Variants in TRIM44 observed in about 807,000 individuals in gnomAD.
TRIM44 encodes tripartite motif-containing protein 44.
In TRIM44, 13 loss-of-function variants were observed where a neutral mutation model predicts 37.4. The ratio of observed to expected loss-of-function variants is 0.35; its 90% CI spans 0.23 to 0.55. The LOEUF (loss-of-function observed/expected upper bound fraction) is 0.55. TRIM44 is among the 20% of genes least tolerant of loss of function. TRIM44 has a pLI of 0.89. For synonymous variants in TRIM44, 175 were observed against 157.2 expected (o/e 1.11, Z -0.85); for missense variants, 426 against 437.2 (o/e 0.97, Z 0.23).
intron 2 of TRIM44, among the ~76,000 whole-genome samples, chr11:35,692,699 C>T (rs558420790): frequency 2.0e-5 from 3 of 152,098 alleles, no homozygotes; most frequent in East Asian, 1.9e-4. Flanking sequence ...CCAAGGCAGG[C>T]GGATCATGAG....
At chr11:35,793,663 C>T (rs1853246146) in intron 4 of TRIM44, among the ~76,000 whole-genome samples, 1 of 152,152 alleles carries the variant, frequency 6.6e-6, no homozygotes, top group Non-Finnish European at 1.5e-5. Context: ...CAGTTACCTC[C>T]TCTGCTACTA....
At position 35,809,763 on chromosome 11, in the gene TRIM44, C is replaced by A. The variant is rs1297748080; in HGVS notation, c.*3378C>A. The A allele has an allele frequency of 6.6e-6, 1 of 152,000 alleles. No homozygotes were observed. Among genetic ancestry groups the A allele is most frequent in the African/African-American group, 2.4e-5 (1 of 41,382 alleles). The allele number at this position is 152,000 out of a possible 1,614,324, so 9.4% of individuals were successfully genotyped here. ...TGTGAGGATGTGGCAATTCAAAGTC[C>A]AGTGAATCTGGACTCTCTTACTGAT... On this transcript the variant is annotated 3_prime_UTR_variant, in exon 5 of 5. Coordinates refer to ENST00000299413, the MANE Select transcript of TRIM44 (RefSeq NM_017583.6).
chr11:35,730,652 C>T (rs964713952), intron 3 of TRIM44, among the ~76,000 whole-genome samples: 7 of 152,024 alleles, frequency 4.6e-5, no homozygotes, highest in African/African-American at 1.7e-4. Context: ...ACATATGTCT[C>T]CATTTATAAG....
chr11:35,662,804 G>T lies in TRIM44; in HGVS notation c.-308G>T, dbSNP rs114876670. On this transcript the variant is annotated 5_prime_UTR_variant, in exon 1 of 5. Coordinates refer to ENST00000299413, the MANE Select transcript of TRIM44 (RefSeq NM_017583.6). The stretch of plus-strand genomic sequence containing the variant: ...GCTGCCGCGATCTCTCCCTGGTAGC[G>T]GGAGGCTGAGCGGGCGGCGCGACGC... 2,143 of 247,268 alleles carry T rather than the reference G, an allele frequency of 8.7e-3. 49 individuals are homozygous for T. The highest frequency in any genetic ancestry group is 0.044 in the African/African-American group (1,970 of 44,568). 15.3% of individuals were successfully genotyped at this position (247,268 alleles called of 1,614,324 possible). A position where few individuals can be genotyped will look rare whatever the true frequency, so the allele number is the denominator to read the frequency against.
At chr11:35,784,459 A>C (rs992681701) in intron 4 of TRIM44, among the ~76,000 whole-genome samples, 7 of 152,228 alleles carry the variant, frequency 4.6e-5, no homozygotes, top group Admixed American at 1.3e-4. Flanking sequence ...TTTTTATACC[A>C]TACCTATTTA....
At chr11:35,673,354 A>T (rs1403262408) in intron 1 of TRIM44, among the ~76,000 whole-genome samples, 1 of 152,178 alleles carries the variant, frequency 6.6e-6, no homozygotes, top group Non-Finnish European at 1.5e-5. Context: ...GAGTCCAGTG[A>T]TTTTATTCAT....
chr11:35,683,004 C>A (rs1851537288), intron 1 of TRIM44, among the ~76,000 whole-genome samples: 1 of 152,098 alleles, frequency 6.6e-6, no homozygotes, highest in Non-Finnish European at 1.5e-5. Context: ...GGGAAGAGAG[C>A]TTTCCAGGGA....
chr11:35,795,540 A>G lies in TRIM44; in HGVS notation c.1008-10818A>G, dbSNP rs148342690. 4.0e-3 allele frequency among the ~76,000 whole-genome samples: 609 copies of G among 152,240 alleles called. 2 individuals carry two copies. The highest frequency in any genetic ancestry group is 0.014 in the African/African-American group (591 of 41,556). On this transcript the variant is annotated intron_variant, in intron 4 of 4. Coordinates refer to ENST00000299413, the MANE Select transcript of TRIM44 (RefSeq NM_017583.6). ...AGATTTTGAGCACCATGCTTGGCAC[A>G]TAGAATGCATTCTTATTCATGATAG...
In TRIM44 at chr11:35,775,224, T is replaced by G. The variant is rs550210793; in HGVS notation, c.1008-31134T>G. 1.4e-3 allele frequency among the ~76,000 whole-genome samples: 216 copies of G among 152,342 alleles called. 1 individual carries two copies. The highest frequency in any genetic ancestry group is 5.1e-3 in the African/African-American group (210 of 41,578). ...GGATTCCTAGGTATTTTATTCTCTT[T>G]GAAGCAATTGTGAATGGGAGTTCAC... On this transcript the variant is annotated intron_variant, in intron 4 of 4. Coordinates refer to ENST00000299413, the MANE Select transcript of TRIM44 (RefSeq NM_017583.6).
chr11:35,690,643 C>T (rs1590509053), intron 2 of TRIM44, among the ~76,000 whole-genome samples: 2 of 152,272 alleles, frequency 1.3e-5, no homozygotes, highest in South Asian at 4.1e-4. Context: ...GAATTATTGA[C>T]CCATTTCTGG....
chr11:35,759,315 G>C (rs868263151), intron 4 of TRIM44, among the ~76,000 whole-genome samples: 1 of 152,054 alleles, frequency 6.6e-6, no homozygotes, highest in Non-Finnish European at 1.5e-5. Context: ...TTGTGCATTC[G>C]TCACGTAGTT....
intron 4 of TRIM44, among the ~76,000 whole-genome samples, chr11:35,759,263 C>G (rs900858646): frequency 1.3e-5 from 2 of 152,226 alleles, no homozygotes; most frequent in Admixed American, 6.5e-5. Context: ...TCTTCCATCA[C>G]TGATACCCTT....
intron 3 of TRIM44, among the ~76,000 whole-genome samples, chr11:35,734,770 G>C (rs1852308786): frequency 6.6e-6 from 1 of 152,162 alleles, no homozygotes; most frequent in Non-Finnish European, 1.5e-5. Context: ...TTTGAAAAGT[G>C]GGCAAGAAAA....
chr11:35,808,058 A>G lies in TRIM44; in HGVS notation c.*1673A>G, dbSNP rs1426471970. The G allele has an allele frequency of 2.6e-5, 4 of 152,030 alleles. No individual in the cohort carries two copies. Among genetic ancestry groups the G allele is most frequent in the South Asian group, 2.1e-4 (1 of 4,822 alleles). The allele number at this position is 152,030 out of a possible 1,614,324, so 9.4% of individuals were successfully genotyped here. The stretch of plus-strand genomic sequence containing the variant: ...AATACTTGTTTACTGTAGGAATCCT[A>G]TTTATATTATTTTTCAGTCCTGTGA... On this transcript the variant is annotated 3_prime_UTR_variant, in exon 5 of 5. Transcript: ENST00000299413.
At chr11:35,711,417 A>C (rs908208515) in intron 2 of TRIM44, among the ~76,000 whole-genome samples, 5 of 151,862 alleles carry the variant, frequency 3.3e-5, no homozygotes, top group East Asian at 3.9e-4. Flanking sequence ...GCTCAATGCT[A>C]TCTGACCTTG....
At chr11:35,705,112 C>T (rs1321020003) in intron 2 of TRIM44, among the ~76,000 whole-genome samples, 7 of 148,208 alleles carry the variant, frequency 4.7e-5, no homozygotes, top group African/African-American at 1.8e-4. Context: ...GGTTGCAATC[C>T]TAGTCTCTGA....
At chr11:35,742,067 C>T (rs775296796) in intron 4 of TRIM44, among the ~76,000 whole-genome samples, 1 of 151,896 alleles carries the variant, frequency 6.6e-6, no homozygotes, top group African/African-American at 2.4e-5. Flanking sequence ...CCCCCATCAG[C>T]GAGTAGCTGG....
chr11:35,666,829 TTG>T (rs1437302447), intron 1 of TRIM44, among the ~76,000 whole-genome samples: 5 of 150,260 alleles, frequency 3.3e-5, no homozygotes, highest in African/African-American at 1.3e-4. Flanking sequence ...CTTTTATATA[TTG>T]TTTTTTTGTG....
chr11:35,677,834 A>G (rs1232378014), intron 1 of TRIM44, among the ~76,000 whole-genome samples: 1 of 152,222 alleles, frequency 6.6e-6, no homozygotes, highest in African/African-American at 2.4e-5. Context: ...ATTTTAAATA[A>G]TGATAAGTAC....
Sources: gnomAD v4.1 joint callset for allele counts (sites outside exome capture counted in the v4.1 genomes callset) on GRCh38, gnomAD v4.1.1 for gene constraint, MANE v1.5 for transcripts, NCBI Gene and HGNC (gene_info 2026-07-23, HGNC 2026-07-21) for gene names.